The following ADGRL3 variants were observed in gnomAD, a reference collection of about 807,000 sequenced individuals.
ADGRL3 encodes adhesion G protein-coupled receptor L3.
In ADGRL3, 62 loss-of-function variants were observed where a neutral mutation model predicts 153.5. The ratio of observed to expected loss-of-function variants is 0.40; its 90% confidence interval spans 0.33 to 0.50. The LOEUF is 0.50. Ranked by LOEUF, ADGRL3 falls within the 20% of genes least tolerant of loss-of-function variation. ADGRL3 has a pLI of 0.47. For synonymous variants in ADGRL3, 710 were observed against 672.5 expected, an observed-to-expected ratio of 1.06 and a Z score of -0.86; for missense variants, 1,641 against 1,859.4, an observed-to-expected ratio of 0.88 and a Z score of 2.16.
At chr4:61,898,431 A>G (rs1386219925) in intron 11 of ADGRL3, among the ~76,000 whole-genome samples, 1 of 151,752 alleles carries the variant, frequency 6.6e-6, no homozygotes, top group Non-Finnish European at 1.5e-5. Flanking sequence ...AAGGAGAACA[A>G]CTCTCTCTCT....
At chr4:61,681,058 G>C (rs929348324) in intron 6 of ADGRL3, among the ~76,000 whole-genome samples, 1 of 152,060 alleles carries the variant, frequency 6.6e-6, no homozygotes, top group African/African-American at 2.4e-5. Context: ...ATATTCAAGA[G>C]GTTAAACCTC....
chr4:61,229,991 G>C (rs952799307), intron 1 of ADGRL3, among the ~76,000 whole-genome samples: 2 of 152,022 alleles, frequency 1.3e-5, no homozygotes, highest in Non-Finnish European at 2.9e-5. Flanking sequence ...ACTTATTTCA[G>C]TATCTGATTT....
At chr4:61,852,735 A>G (rs967461681) in intron 9 of ADGRL3, among the ~76,000 whole-genome samples, 2 of 152,140 alleles carry the variant, frequency 1.3e-5, no homozygotes, top group African/African-American at 2.4e-5. Context: ...AAAAGTCTTT[A>G]TGAGTTAAGT....
At chr4:61,804,924 T>C (rs2148484399) in intron 8 of ADGRL3, among the ~76,000 whole-genome samples, 1 of 142,576 alleles carries the variant, frequency 7.0e-6, no homozygotes. Context: ...CCTGTGCCTT[T>C]ATTTATTTAT....
rs529673070 is a variant in ADGRL3, at chr4:61,874,958, A to G, written c.1481-17698A>G. On this transcript the variant is annotated intron_variant, in intron 9 of 26. Transcript: ENST00000683033. ...CGAGTAGCTGGGACTACAGGCGCCC[A>G]CCACCGCGCCCGGCTAATTTTTTGT... is the stretch of plus-strand genomic sequence containing the variant. 4.1e-3 allele frequency among the ~76,000 whole-genome samples: 611 copies of G among 150,234 alleles called. 2 individuals are homozygous for G. Among genetic ancestry groups the G allele is most frequent in the South Asian group, 0.01 (49 of 4,720 alleles).
chr4:61,976,630 C>T (rs2099049033), intron 17 of ADGRL3, among the ~76,000 whole-genome samples: 1 of 152,112 alleles, frequency 6.6e-6, no homozygotes, highest in African/African-American at 2.4e-5. Flanking sequence ...GCGGTTCCCC[C>T]ATACTGTTCT....
At chr4:61,603,667 A>G (rs991987000) in intron 5 of ADGRL3, among the ~76,000 whole-genome samples, 2 of 152,206 alleles carry the variant, frequency 1.3e-5, no homozygotes, top group African/African-American at 4.8e-5. Flanking sequence ...AAAAATGAAC[A>G]AGGAACAGAT....
At chr4:61,718,139 T>C (rs2096162187) in intron 6 of ADGRL3, among the ~76,000 whole-genome samples, 1 of 152,162 alleles carries the variant, frequency 6.6e-6, no homozygotes, top group Non-Finnish European at 1.5e-5. Flanking sequence ...TGGTGGGGTT[T>C]TTTGTAATTA....
chr4:61,747,200 A>T (rs1284840582), intron 8 of ADGRL3, among the ~76,000 whole-genome samples: 1 of 151,540 alleles, frequency 6.6e-6, no homozygotes, highest in African/African-American at 2.4e-5. Context: ...AGGCTCTGAA[A>T]TTGTGGCAAT....
intron 1 of ADGRL3, among the ~76,000 whole-genome samples, chr4:61,289,700 T>G (rs146919678): frequency 9.3e-4 from 142 of 152,128 alleles, no homozygotes; most frequent in African/African-American, 3.2e-3. Context: ...ACATGATTAC[T>G]TTATCTTTGT....
chr4:61,662,184 C>A (rs368510397), intron 5 of ADGRL3, among the ~76,000 whole-genome samples: 4 of 152,184 alleles, frequency 2.6e-5, no homozygotes, highest in East Asian at 3.9e-4. Context: ...TGTGAAGCTG[C>A]GGCCTCCCAG....
Position 61,644,860 on chromosome 4 carries a change from G to A in ADGRL3, c.474-31966G>A, listed in dbSNP as rs563195981. Among the ~76,000 whole-genome samples the A allele has an allele frequency of 1.2e-4, 19 of 152,096 alleles. No homozygotes were observed. The South Asian group carries it at 3.7e-3, about 30-fold the overall frequency. The stretch of plus-strand genomic sequence containing the variant: ...ATCCTTGTTGACTTTCTGTCTCGTT[G>A]ATCTGTCTAATGTTGACAGTGGGGT... On this transcript the variant is annotated intron_variant, in intron 5 of 26. Coordinates refer to ENST00000683033, the MANE Select transcript of ADGRL3 (RefSeq NM_001387552.1).
chr4:61,670,939 A>T (rs2094970402), intron 5 of ADGRL3, among the ~76,000 whole-genome samples: 1 of 152,156 alleles, frequency 6.6e-6, no homozygotes, highest in East Asian at 1.9e-4. Context: ...CTGCACAGGC[A>T]ACTAGAAAGT....
In ADGRL3 at chr4:61,282,289, T is replaced by C. The variant is rs144861852; in HGVS notation, c.-240+80524T>C. Among the ~76,000 whole-genome samples, 312 of 152,078 alleles carry C rather than the reference T, an allele frequency of 2.1e-3. 3 individuals are homozygous for C. The highest frequency in any genetic ancestry group is 0.019 in the Admixed American group (293 of 15,238). On this transcript the variant is annotated intron_variant, in intron 1 of 26. Transcript: ENST00000683033. ...TAATAGAATTTTCAGCTAAAGAAGATTGAAAAAGGTAAGTCTCATAATTTT... is the reference window on the plus strand; with the variant it reads ...TAATAGAATTTTCAGCTAAAGAAGACTGAAAAAGGTAAGTCTCATAATTTT...
intron 4 of ADGRL3, among the ~76,000 whole-genome samples, chr4:61,538,280 C>T (rs930089749): frequency 1.0e-4 from 15 of 150,598 alleles, no homozygotes; most frequent in African/African-American, 2.7e-4. Context: ...CTATTGTCTA[C>T]GTAGTGGCTT....
chr4:61,689,661 G>A (rs1165514462), intron 6 of ADGRL3, among the ~76,000 whole-genome samples: 1 of 152,006 alleles, frequency 6.6e-6, no homozygotes, highest in Non-Finnish European at 1.5e-5. Context: ...ATTGAAATTT[G>A]CATTCTATCC....
At chr4:61,770,195 A>G (rs896769903) in intron 8 of ADGRL3, among the ~76,000 whole-genome samples, 4 of 152,250 alleles carry the variant, frequency 2.6e-5, no homozygotes, top group African/African-American at 9.6e-5. Context: ...GGGACAAGTT[A>G]GGGTTACCTG....
At chr4:61,222,965 G>A (rs1286363133) in intron 1 of ADGRL3, among the ~76,000 whole-genome samples, 3 of 152,138 alleles carry the variant, frequency 2.0e-5, no homozygotes, top group Admixed American at 2.0e-4. Context: ...ACCACTATGA[G>A]CTGTAGTAAT....
intron 8 of ADGRL3, among the ~76,000 whole-genome samples, chr4:61,776,708 A>C (rs954317294): frequency 6.6e-6 from 1 of 152,186 alleles, no homozygotes; most frequent in Non-Finnish European, 1.5e-5. Context: ...GAACTACTTG[A>C]ATTTATGTAA....
Sources: gnomAD v4.1 joint callset for allele counts (sites outside exome capture counted in the v4.1 genomes callset) on GRCh38, gnomAD v4.1.1 for gene constraint, MANE v1.5 for transcripts, NCBI Gene and HGNC (gene_info 2026-07-23, HGNC 2026-07-21) for gene names.